The following FAM78B variants were observed in gnomAD, a reference collection of about 807,000 sequenced individuals.
FAM78B encodes family with sequence similarity 78 member B, also known as protein FAM78B.
A neutral mutation model predicts 20.0 loss-of-function variants in FAM78B; 10 were observed. The ratio of observed to expected loss-of-function variants is 0.50; its 90% CI spans 0.31 to 0.85. FAM78B has a LOEUF of 0.85. Among genes scored for constraint, FAM78B ranks in the 40% least tolerant of loss-of-function variants. The pLI is 0.05. For missense variants in FAM78B, 283 were observed against 345.0 expected (o/e 0.82, Z 1.42); for synonymous variants, 135 against 132.8 (o/e 1.02, Z -0.12).
At position 166,096,796 on chromosome 1, in the gene FAM78B, G is replaced by C. The variant is rs150121553; in HGVS notation, c.264-26033C>G. Among the ~76,000 whole-genome samples the C allele has an allele frequency of 2.0e-5, 3 of 152,262 alleles. No homozygotes were observed. The East Asian group carries it at 5.8e-4, about 29-fold the overall frequency. On this transcript the variant is annotated intron_variant, in intron 1 of 1. Coordinates refer to ENST00000354422, the MANE Select transcript of FAM78B (RefSeq NM_001017961.5). ...TCCAGAAACCAGCCTGGAGTCCTACGATCCAGAGAAGATGAAGAGTTGTCT... is the reference window on the plus strand; with the variant it reads ...TCCAGAAACCAGCCTGGAGTCCTACCATCCAGAGAAGATGAAGAGTTGTCT...
chr1:166,166,334 G>A lies in FAM78B; in HGVS notation c.-86C>T. The A allele has an allele frequency of 9.6e-6, 10 of 1,039,964 alleles. No individual in the cohort carries two copies. Among genetic ancestry groups the A allele is most frequent in the Non-Finnish European group, 1.2e-5 (10 of 860,996 alleles). The allele number at this position is 1,039,964 out of a possible 1,614,324, so 64.4% of individuals were successfully genotyped here. A position where few individuals can be genotyped will look rare whatever the true frequency, so the allele number is the denominator to read the frequency against. The stretch of plus-strand genomic sequence containing the variant: ...CGGGGGCGCCCGTCACGCCGGCATG[G>A]CGACGCGCCGCTCGCTCCCGGTCAG... On this transcript the variant is annotated 5_prime_UTR_variant, in exon 1 of 2. Transcript: ENST00000354422.
chr1:166,087,299 G>A (rs559826097), intron 1 of FAM78B: 2 of 152,176 alleles, frequency 1.3e-5, no homozygotes, highest in East Asian at 3.9e-4. Flanking sequence ...TCCTGACCTT[G>A]TGATCCACCT....
chr1:166,161,346 C>A (rs1656142490), intron 1 of FAM78B, among the ~76,000 whole-genome samples: 1 of 152,116 alleles, frequency 6.6e-6, no homozygotes, highest in Admixed American at 6.5e-5. Flanking sequence ...TGGGGTTTCA[C>A]CATATTGGTC....
intron 1 of FAM78B, among the ~76,000 whole-genome samples, chr1:166,156,728 T>A (rs2101802956): frequency 6.6e-6 from 1 of 152,124 alleles, no homozygotes; most frequent in African/African-American, 2.4e-5. Context: ...GGTCTCACTG[T>A]CCCCCTAAGG....
intron 1 of FAM78B, among the ~76,000 whole-genome samples, chr1:166,139,597 G>A (rs1022288506): frequency 3.3e-5 from 5 of 152,178 alleles, no homozygotes; most frequent in African/African-American, 1.2e-4. Context: ...CTTCCTGGAG[G>A]AGGAGGTGGC....
At chr1:166,152,081 G>C (rs973381) in intron 1 of FAM78B, among the ~76,000 whole-genome samples, 133,724 of 152,214 alleles carry the variant, frequency 0.88, 60,284 homozygotes, top group Non-Finnish European at 0.99. Flanking sequence ...AGACATTTTA[G>C]AATCCCAGCA....
chr1:166,093,551 C>T (rs977161571), intron 1 of FAM78B, among the ~76,000 whole-genome samples: 10 of 152,216 alleles, frequency 6.6e-5, no homozygotes, highest in African/African-American at 2.4e-4. Context: ...AGGGGCTTGC[C>T]TTCTTTTACA....
intron 1 of FAM78B, among the ~76,000 whole-genome samples, chr1:166,109,862 GTATGTGTATATATATATATGTATATA>G (rs1653956379): frequency 6.1e-5 from 1 of 16,268 alleles, no homozygotes; most frequent in Non-Finnish European, 1.3e-4. Context: ...ATATATATAT[GTATGTGTATATATATATATGTATATA>G]TGTATATATA....
chr1:166,130,197 C>G (rs1654820658), intron 1 of FAM78B, among the ~76,000 whole-genome samples: 1 of 152,210 alleles, frequency 6.6e-6, no homozygotes, highest in Non-Finnish European at 1.5e-5. Context: ...CTCTGTGGCT[C>G]TTCACACACA....
At chr1:166,080,722 G>A (rs952754382) in intron 1 of FAM78B, among the ~76,000 whole-genome samples, 1 of 152,238 alleles carries the variant, frequency 6.6e-6, no homozygotes, top group African/African-American at 2.4e-5. Flanking sequence ...ACGTGAAGGA[G>A]AGCAATGTGC....
chr1:166,067,994 T>C (rs1651864188), downstream of FAM78B, among the ~76,000 whole-genome samples: 1 of 152,256 alleles, frequency 6.6e-6, no homozygotes, highest in Non-Finnish European at 1.5e-5. Context: ...TAAATATAGT[T>C]GTGTAAGTCA....
intron 1 of FAM78B, among the ~76,000 whole-genome samples, chr1:166,079,499 T>C (rs932674634): frequency 5.3e-5 from 8 of 152,134 alleles, no homozygotes; most frequent in African/African-American, 1.9e-4. Context: ...TGGCTGTTTG[T>C]TGGGGGTGTG....
At chr1:166,077,565 C>A (rs370778308) in intron 1 of FAM78B, among the ~76,000 whole-genome samples, 267 of 144,108 alleles carry the variant, frequency 1.9e-3, no homozygotes, top group Middle Eastern at 3.8e-3. Flanking sequence ...GTCTCTCTCT[C>A]TATATATAAT....
intron 1 of FAM78B, among the ~76,000 whole-genome samples, chr1:166,114,776 G>T (rs1329112818): frequency 6.6e-6 from 1 of 152,182 alleles, no homozygotes; most frequent in African/African-American, 2.4e-5. Flanking sequence ...CTTTAAAAGA[G>T]ACAACAATAT....
chr1:166,109,890 G>GTATATATGTATA lies in FAM78B; in HGVS notation c.264-39128_264-39127insTATACATATATA, dbSNP rs1557903394. On this transcript the variant is annotated intron_variant, in intron 1 of 1. Coordinates refer to ENST00000354422, the MANE Select transcript of FAM78B (RefSeq NM_001017961.5). ...TGTGTATATATATATATGTATATATGTATATATATATATATATATATATAT... is the reference window on the plus strand; with the variant it reads ...TGTGTATATATATATATGTATATATGTATATATGTATATATATATATATATATATATATATAT... Among the ~76,000 whole-genome samples, 23 of 23,196 alleles carry GTATATATGTATA rather than the reference G, an allele frequency of 9.9e-4. 3 individuals carry two copies. The highest frequency in any genetic ancestry group is 2.0e-3 in the East Asian group (1 of 506). The allele number at this position is 23,196 out of a possible 152,430, so 15.2% of individuals were successfully genotyped here.
chr1:166,063,766 G>A (rs1651698696), intron 2 of FAM78B, among the ~76,000 whole-genome samples: 1 of 152,194 alleles, frequency 6.6e-6, no homozygotes, highest in Non-Finnish European at 1.5e-5. Flanking sequence ...ATGTGGCACT[G>A]GGTTGTGCTC....
chr1:166,079,422 C>A (rs1418604171), intron 1 of FAM78B, among the ~76,000 whole-genome samples: 1 of 152,182 alleles, frequency 6.6e-6, no homozygotes, highest in Non-Finnish European at 1.5e-5. Flanking sequence ...TTTTCACTGT[C>A]CTGTCTTTCC....
intron 1 of FAM78B, among the ~76,000 whole-genome samples, chr1:166,128,381 A>G (rs747471538): frequency 5.9e-5 from 9 of 152,228 alleles, no homozygotes; most frequent in Non-Finnish European, 1.2e-4. Context: ...CAGCAGGTGG[A>G]CAGAGCCTGG....
rs146248661 is a variant in FAM78B at position 166,070,365 on chromosome 1, C to T, written c.662G>A (p.Arg221Gln). 77 of 1,613,446 alleles carry T rather than the reference C, an allele frequency of 4.8e-5. No individual in the cohort carries two copies. In the African/African-American group the frequency reaches 6.4e-4, roughly 13 times the overall value. ...GATGGGTTCCATCCGGCTCAGGATC[C>T]GGGGCTGCTCCTGCTGAGTCCTGCC... is the stretch of plus-strand genomic sequence containing the variant. ...LVGRTQQEQPRILSRMEPIPP... is the reference protein window; with the variant it reads ...LVGRTQQEQPQILSRMEPIPP... The change falls in exon 2 of 2, where the codon CGG becomes CAG. Residue 221 changes from arginine to glutamine, a missense_variant. Coordinates refer to ENST00000354422, the MANE Select transcript of FAM78B (RefSeq NM_001017961.5).
Sources: allele counts gnomAD v4.1 joint callset (sites outside exome capture counted in the v4.1 genomes callset), GRCh38; gene constraint gnomAD v4.1.1; transcripts MANE v1.5; gene names NCBI Gene and HGNC (gene_info 2026-07-23, HGNC 2026-07-21).